The following RAB2A variants were observed in gnomAD, a reference collection of about 807,000 sequenced individuals.
RAB2A encodes the protein RAB2A, member RAS oncogene family.
A neutral mutation model predicts 32.5 loss-of-function variants in RAB2A; 7 were observed. The observed-to-expected ratio is 0.22, with a 90% confidence interval of 0.12 to 0.40. The LOEUF (loss-of-function observed/expected upper bound fraction) is 0.40. RAB2A is among the 10% of genes least tolerant of loss of function. The probability of loss-of-function intolerance (pLI) is 1.00; values close to 1 mark genes in which losing one functional copy is unlikely to be tolerated. For synonymous variants in RAB2A, 79 were observed against 85.2 expected (o/e 0.93, Z 0.40); for missense variants, 108 against 260.7 (o/e 0.41, Z 4.03).
intron 1 of RAB2A, among the ~76,000 whole-genome samples, chr8:60,535,363 G>A (rs559223735): frequency 2.0e-5 from 3 of 152,292 alleles, no homozygotes; most frequent in East Asian, 3.9e-4. Flanking sequence ...AGTGGCTTAC[G>A]TATCCTTCCA....
chr8:60,578,811 T>G (rs924481142), intron 3 of RAB2A, among the ~76,000 whole-genome samples: 6 of 152,206 alleles, frequency 3.9e-5, no homozygotes, highest in Non-Finnish European at 8.8e-5. Flanking sequence ...AAGGGATTCT[T>G]TATCTGGCAG....
intron 1 of RAB2A, among the ~76,000 whole-genome samples, chr8:60,548,923 C>G (rs74872219): frequency 0.22 from 22,376 of 99,928 alleles, 1,819 homozygotes; most frequent in East Asian, 0.4. Flanking sequence ...ACTTCTCAGA[C>G]AGGGCAGTTG....
intron 1 of RAB2A, among the ~76,000 whole-genome samples, chr8:60,520,444 G>A (rs898294456): frequency 1.3e-5 from 2 of 152,200 alleles, no homozygotes; most frequent in Non-Finnish European, 2.9e-5. Flanking sequence ...TTTTTCTTCT[G>A]AAATTCTAGC....
intron 1 of RAB2A, among the ~76,000 whole-genome samples, chr8:60,555,356 G>C (rs1436585540): frequency 6.6e-6 from 1 of 152,094 alleles, no homozygotes; most frequent in Non-Finnish European, 1.5e-5. Flanking sequence ...AAACAAAAAG[G>C]CAACAAAAGC....
At chr8:60,556,134 G>A (rs998336105) in intron 1 of RAB2A, among the ~76,000 whole-genome samples, 3 of 152,120 alleles carry the variant, frequency 2.0e-5, no homozygotes, top group Non-Finnish European at 2.9e-5. Flanking sequence ...GCATGTTCTC[G>A]TATCCACAAT....
intron 6 of RAB2A, among the ~76,000 whole-genome samples, chr8:60,601,391 G>T (rs1486537408): frequency 6.6e-6 from 1 of 151,534 alleles, no homozygotes; most frequent in Non-Finnish European, 1.5e-5. Context: ...AGTTGGGAAT[G>T]CATTGGCACA....
intron 1 of RAB2A, among the ~76,000 whole-genome samples, chr8:60,533,329 C>T (rs1332389742): frequency 6.6e-6 from 1 of 152,134 alleles, no homozygotes; most frequent in Non-Finnish European, 1.5e-5. Flanking sequence ...AACAGGAGCC[C>T]GTGCTCAGGA....
chr8:60,528,264 TC>T (rs1228042028), intron 1 of RAB2A, among the ~76,000 whole-genome samples: 1 of 152,328 alleles, frequency 6.6e-6, no homozygotes, highest in East Asian at 1.9e-4. Context: ...ATTTGATCTT[TC>T]TGAGTCTTTG....
At chr8:60,569,789 G>A (rs578194864) in intron 2 of RAB2A, 121 of 301,718 alleles carry the variant, frequency 4.0e-4, no homozygotes, top group Non-Finnish European at 7.4e-4. Context: ...TGGGATTACC[G>A]GCCACACTGA....
intron 1 of RAB2A, 101 bp downstream of exon 1, chr8:60,517,354 G>A: frequency 8.9e-7 from 1 of 1,127,454 alleles, no homozygotes; most frequent in Non-Finnish European, 1.2e-6. Context: ...ACTCCACCCG[G>A]CGCCTCCCTC....
chr8:60,618,081 T>C (rs1165309677), intron 6 of RAB2A, among the ~76,000 whole-genome samples: 1 of 152,228 alleles, frequency 6.6e-6, no homozygotes, highest in Non-Finnish European at 1.5e-5. Context: ...CAAATAATAT[T>C]CTACTAATTG....
At position 60,517,019 on chromosome 8, in the gene RAB2A, C is replaced by A. The variant is rs910201046; in HGVS notation, c.-189C>A. On this transcript the variant is annotated 5_prime_UTR_variant, in exon 1 of 8. Transcript: ENST00000262646. Reference sequence around the variant, plus strand: ...GGCTGGGCTCGGTCGGGCGCTGTCTCCCTCGGCTCTGCGGGTGTCAGTTCG... The same window carrying A: ...GGCTGGGCTCGGTCGGGCGCTGTCTACCTCGGCTCTGCGGGTGTCAGTTCG... 2.0e-6 allele frequency: 1 copy of A among 511,508 alleles called. No homozygotes were observed. The highest frequency in any genetic ancestry group is 3.4e-6 in the Non-Finnish European group (1 of 293,768). The allele number at this position is 511,508 out of a possible 1,614,324, so 31.7% of individuals were successfully genotyped here. A position where few individuals can be genotyped will look rare whatever the true frequency, so the allele number is the denominator to read the frequency against.
intron 5 of RAB2A, among the ~76,000 whole-genome samples, chr8:60,588,981 G>T (rs1803891587): frequency 6.6e-6 from 1 of 152,110 alleles, no homozygotes; most frequent in African/African-American, 2.4e-5. Flanking sequence ...TTCTCTGAAG[G>T]CCTTTCTTGG....
At chr8:60,576,113 A>C (rs547890019) in intron 3 of RAB2A, 51 of 411,954 alleles carry the variant, frequency 1.2e-4, no homozygotes, top group African/African-American at 1.0e-3. Flanking sequence ...TCACAGCTGG[A>C]AACAGTGATA....
intron 1 of RAB2A, among the ~76,000 whole-genome samples, chr8:60,556,068 G>A (rs1282317174): frequency 6.6e-6 from 1 of 152,250 alleles, no homozygotes; most frequent in African/African-American, 2.4e-5. Context: ...CAACATGGGT[G>A]AGACTGCAGG....
At position 60,584,665 on chromosome 8, in the gene RAB2A, C is replaced by T. The variant is rs142442233; in HGVS notation, c.270-58C>T. 684 of 1,364,306 alleles carry T rather than the reference C, an allele frequency of 5.0e-4. 3 individuals are homozygous for T. In the African/African-American group the frequency reaches 7.9e-3, roughly 16 times the overall value. The allele number at this position is 1,364,306 out of a possible 1,614,324, so 84.5% of individuals were successfully genotyped here. ...TCTCTTTAAAAATATGTATATTGTTCGTTGTATACTGAGGGAAATGCTTTG... is the reference window on the plus strand; with the variant it reads ...TCTCTTTAAAAATATGTATATTGTTTGTTGTATACTGAGGGAAATGCTTTG... On this transcript the variant is annotated intron_variant, in intron 4 of 7. Transcript: ENST00000262646.
At chr8:60,522,835 T>C (rs1169370517) in intron 1 of RAB2A, among the ~76,000 whole-genome samples, 1 of 152,094 alleles carries the variant, frequency 6.6e-6, no homozygotes, top group Non-Finnish European at 1.5e-5. Context: ...CTTTAGATTC[T>C]TGTGAATCAC....
At chr8:60,590,880 C>T (rs1171889356) in intron 5 of RAB2A, among the ~76,000 whole-genome samples, 2 of 151,364 alleles carry the variant, frequency 1.3e-5, no homozygotes, top group Admixed American at 6.6e-5. Context: ...AATGCAAAAA[C>T]ATGCATGAGA....
chr8:60,541,548 G>T (rs557117293), intron 1 of RAB2A, among the ~76,000 whole-genome samples: 4 of 152,238 alleles, frequency 2.6e-5, no homozygotes, highest in Admixed American at 1.3e-4. Flanking sequence ...AATTAGCCAG[G>T]CGTGGTGGCA....
Sources: allele counts gnomAD v4.1 joint callset (sites outside exome capture counted in the v4.1 genomes callset), GRCh38; gene constraint gnomAD v4.1.1; transcripts MANE v1.5; gene names NCBI Gene and HGNC (gene_info 2026-07-23, HGNC 2026-07-21).